The following PPP1R1C variants were observed in gnomAD, a reference collection of about 807,000 sequenced individuals.
PPP1R1C encodes protein phosphatase 1 regulatory subunit 1C.
Under a neutral mutation model 17.4 loss-of-function variants are expected in PPP1R1C, and 15 were observed. That is an observed-to-expected ratio of 0.86 (90% CI 0.58 to 1.33). The LOEUF is 1.33. Among genes scored for constraint, PPP1R1C ranks in the 40% most tolerant of loss-of-function variants. PPP1R1C has a pLI of 0.00. For missense variants in PPP1R1C, 143 were observed against 130.0 expected (o/e 1.10, Z -0.48); for synonymous variants, 35 against 43.1 (o/e 0.81, Z 0.73).
upstream of PPP1R1C, among the ~76,000 whole-genome samples, chr2:181,982,833 T>C (rs375391214): frequency 2.0e-3 from 304 of 152,318 alleles, no homozygotes; most frequent in African/African-American, 6.9e-3. Context: ...ATTTTCCTAA[T>C]GTTTTTCCAT....
chr2:182,124,330 T>G (rs1414029018), intron 5 of PPP1R1C, among the ~76,000 whole-genome samples: 3 of 142,360 alleles, frequency 2.1e-5, no homozygotes, highest in Non-Finnish European at 3.0e-5. Context: ...TTTTTTTGTT[T>G]TTTTTTTTGT....
At chr2:181,955,261 G>A (rs960557719) in intron 1 of PPP1R1C, among the ~76,000 whole-genome samples, 3 of 152,152 alleles carry the variant, frequency 2.0e-5, no homozygotes, top group African/African-American at 7.2e-5. Context: ...TTCATCAGCT[G>A]TACTTTTCCT....
intron 1 of PPP1R1C, among the ~76,000 whole-genome samples, chr2:181,971,255 C>T (rs1035259951): frequency 6.6e-6 from 1 of 152,180 alleles, no homozygotes; most frequent in Admixed American, 6.5e-5. Context: ...GCTGATTATT[C>T]AGGCCCAAGG....
At chr2:182,111,499 G>A (rs1439816689) in intron 4 of PPP1R1C, among the ~76,000 whole-genome samples, 1 of 152,040 alleles carries the variant, frequency 6.6e-6, no homozygotes, top group Non-Finnish European at 1.5e-5. Context: ...GAAATAATAT[G>A]CTTTTAATTT....
intron 2 of PPP1R1C, among the ~76,000 whole-genome samples, chr2:182,001,296 A>G (rs1002381491): frequency 2.6e-5 from 4 of 152,172 alleles, no homozygotes; most frequent in African/African-American, 9.7e-5. Flanking sequence ...AATTTTGCAT[A>G]ATAATGATTT....
At chr2:182,060,113 T>C (rs910750906) in intron 2 of PPP1R1C, among the ~76,000 whole-genome samples, 26 of 152,154 alleles carry the variant, frequency 1.7e-4, no homozygotes, top group African/African-American at 1.9e-4. Context: ...TTACAGTCAT[T>C]GCATCAGACA....
intron 2 of PPP1R1C, among the ~76,000 whole-genome samples, chr2:182,007,710 T>C (rs1032418959): frequency 6.6e-6 from 1 of 152,114 alleles, no homozygotes; most frequent in Non-Finnish European, 1.5e-5. Context: ...TCTGGACCTA[T>C]CAAAAAATGT....
intron 1 of PPP1R1C, among the ~76,000 whole-genome samples, chr2:181,970,981 C>G (rs142920504): frequency 7.2e-5 from 11 of 152,196 alleles, no homozygotes; most frequent in Non-Finnish European, 1.3e-4. Context: ...GGGCTCCCCT[C>G]TATTTCAGGA....
intron 2 of PPP1R1C, among the ~76,000 whole-genome samples, chr2:181,990,497 A>G (rs1296339978): frequency 6.6e-6 from 1 of 151,902 alleles, no homozygotes; most frequent in African/African-American, 2.4e-5. Context: ...CTTTCTTTCA[A>G]CCTCACAGGG....
chr2:181,956,682 A>G (rs528949805), intron 1 of PPP1R1C, among the ~76,000 whole-genome samples: 37 of 152,296 alleles, frequency 2.4e-4, no homozygotes, highest in South Asian at 8.3e-4. Flanking sequence ...TTTTGGCCAC[A>G]TAAATGTCTT....
chr2:181,969,229 A>C (rs1387146557), intron 1 of PPP1R1C, among the ~76,000 whole-genome samples: 1 of 152,152 alleles, frequency 6.6e-6, no homozygotes, highest in Non-Finnish European at 1.5e-5. Flanking sequence ...ATTGCTATTA[A>C]TGTCTTTTAA....
intron 4 of PPP1R1C, among the ~76,000 whole-genome samples, chr2:182,073,598 C>T (rs1688202072): frequency 6.6e-6 from 1 of 152,120 alleles, no homozygotes; most frequent in Admixed American, 6.5e-5. Context: ...CTTGTAAGTT[C>T]CCTGAGATTG....
At chr2:181,972,660 T>C (rs1685032751) in intron 1 of PPP1R1C, among the ~76,000 whole-genome samples, 3 of 152,130 alleles carry the variant, frequency 2.0e-5, no homozygotes, top group African/African-American at 4.8e-5. Flanking sequence ...CAAGTGACCA[T>C]ATGTACAAAG....
rs111442529 is a variant in PPP1R1C, at chr2:182,044,135, A to G, written c.143-17307A>G. 4.7e-4 allele frequency among the ~76,000 whole-genome samples: 71 copies of G among 152,234 alleles called. 1 individual carries two copies. Among genetic ancestry groups the G allele is most frequent in the African/African-American group, 1.7e-3 (69 of 41,534 alleles). ...CATCATCCATCACCTGAATAACTGC[A>G]ATGTCTTCCTAACTGAGCTACCTGT... On this transcript the variant is annotated intron_variant, in intron 2 of 4. Transcript: ENST00000682840.
chr2:182,015,369 C>T (rs1048192407), intron 2 of PPP1R1C, among the ~76,000 whole-genome samples: 2 of 152,174 alleles, frequency 1.3e-5, no homozygotes, highest in Non-Finnish European at 2.9e-5. Flanking sequence ...ATTGTGAGGC[C>T]TCCCTAGCCA....
At chr2:182,033,667 G>A (rs1369575175) in intron 2 of PPP1R1C, among the ~76,000 whole-genome samples, 1 of 151,942 alleles carries the variant, frequency 6.6e-6, no homozygotes, top group Non-Finnish European at 1.5e-5. Flanking sequence ...TGCCAACTTT[G>A]CCGTTACCCT....
intron 2 of PPP1R1C, among the ~76,000 whole-genome samples, chr2:182,005,599 C>T (rs889892310): frequency 2.0e-5 from 3 of 152,134 alleles, no homozygotes; most frequent in Non-Finnish European, 2.9e-5. Flanking sequence ...TTGTTTCTAT[C>T]TGTAACTAGG....
intron 4 of PPP1R1C, among the ~76,000 whole-genome samples, chr2:182,079,075 T>C (rs1397296300): frequency 6.6e-6 from 1 of 152,208 alleles, no homozygotes; most frequent in Non-Finnish European, 1.5e-5. Context: ...AGATCAGAAA[T>C]ATAGTTGACT....
At chr2:181,999,791 AG>A (rs1030027819) in intron 2 of PPP1R1C, among the ~76,000 whole-genome samples, 3 of 151,822 alleles carry the variant, frequency 2.0e-5, no homozygotes, top group Non-Finnish European at 4.4e-5. Flanking sequence ...AAAAAAAAAA[AG>A]ATAACCAAAT....
Sources: gnomAD v4.1 joint callset for allele counts (sites outside exome capture counted in the v4.1 genomes callset) on GRCh38, gnomAD v4.1.1 for gene constraint, MANE v1.5 for transcripts, NCBI Gene and HGNC (gene_info 2026-07-23, HGNC 2026-07-21) for gene names.